DAB1: variants seen among roughly 807,000 people sequenced by gnomAD.
DAB1 encodes the protein disabled homolog 1.
A neutral mutation model predicts 64.6 loss-of-function variants in DAB1; 15 were observed. The ratio of observed to expected loss-of-function variants is 0.23; its 90% CI spans 0.16 to 0.36. The LOEUF is 0.36. Among genes scored for constraint, DAB1 ranks in the 10% least tolerant of loss-of-function variants. The pLI is 1.00. For synonymous variants in DAB1, 235 were observed against 251.9 expected, an observed-to-expected ratio of 0.93 and a Z score of 0.64; for missense variants, 596 against 706.7, an observed-to-expected ratio of 0.84 and a Z score of 1.78.
At chr1:57,306,566 C>T (rs1674200542) in intron 1 of DAB1, among the ~76,000 whole-genome samples, 1 of 137,760 alleles carries the variant, frequency 7.3e-6, no homozygotes, top group Non-Finnish European at 1.5e-5. Flanking sequence ...ATTCACAGCT[C>T]ATCACTCCCA....
chr1:57,517,123 T>C (rs1045094667), intron 7 of DAB1, among the ~76,000 whole-genome samples: 6 of 152,184 alleles, frequency 3.9e-5, no homozygotes, highest in Non-Finnish European at 8.8e-5. Flanking sequence ...AGGTGCCATT[T>C]ACTTATTTGC....
At chr1:57,329,660 CAA>C (rs57801886) in intron 1 of DAB1, among the ~76,000 whole-genome samples, 11,885 of 100,970 alleles carry the variant, frequency 0.12, 537 homozygotes, top group Middle Eastern at 0.17. Context: ...TTGTCTCTTC[CAA>C]AAAAAAAAAA....
chr1:58,463,463 G>A (rs963997173), intron 3 of DAB1, among the ~76,000 whole-genome samples: 2 of 152,210 alleles, frequency 1.3e-5, no homozygotes, highest in African/African-American at 4.8e-5. Flanking sequence ...GGGAGAAGGA[G>A]GCTAAGGCTG....
At chr1:57,852,107 C>G (rs852796) in intron 1 of DAB1, among the ~76,000 whole-genome samples, 62,042 of 151,956 alleles carry the variant, frequency 0.41, 13,205 homozygotes, top group Non-Finnish European at 0.48. Flanking sequence ...TGAGATGGGT[C>G]ACATAAATTA....
At chr1:57,427,996 C>T (rs942440904), upstream of DAB1, among the ~76,000 whole-genome samples, 1 of 151,988 alleles carries the variant, frequency 6.6e-6, no homozygotes, top group South Asian at 2.1e-4. Context: ...GGTGAAACCC[C>T]GTCTCTACTA....
chr1:57,521,568 T>C (rs1238000878), intron 7 of DAB1, among the ~76,000 whole-genome samples: 1 of 152,110 alleles, frequency 6.6e-6, no homozygotes, highest in Non-Finnish European at 1.5e-5. Context: ...ATCACTCTGG[T>C]AGAGGCTTTC....
chr1:58,409,728 T>G (rs1027590799), intron 3 of DAB1, among the ~76,000 whole-genome samples: 1 of 152,168 alleles, frequency 6.6e-6, no homozygotes, highest in African/African-American at 2.4e-5. Context: ...TAAGGTGCCT[T>G]GTAGGCCTTG....
intron 3 of DAB1, among the ~76,000 whole-genome samples, chr1:58,362,251 T>C (rs1021985535): frequency 1.3e-5 from 2 of 152,218 alleles, no homozygotes; most frequent in Non-Finnish European, 2.9e-5. Context: ...AGATGTGGCA[T>C]CTTGGCCTAG....
chr1:57,944,083 T>A (rs1202851), intron 5 of DAB1, among the ~76,000 whole-genome samples: 87,375 of 151,884 alleles, frequency 0.58, 25,747 homozygotes, highest in African/African-American at 0.63. Flanking sequence ...ATTCACTCAG[T>A]TTAAAGCTCA....
At chr1:58,264,613 G>A (rs1393365688) in intron 4 of DAB1, among the ~76,000 whole-genome samples, 1 of 152,178 alleles carries the variant, frequency 6.6e-6, no homozygotes, top group Non-Finnish European at 1.5e-5. Flanking sequence ...TGACTTCCAA[G>A]GACATCAAGC....
intron 5 of DAB1, among the ~76,000 whole-genome samples, chr1:57,915,820 GACGATC>G (rs1474898371): frequency 2.0e-5 from 3 of 152,288 alleles, no homozygotes; most frequent in South Asian, 4.1e-4. Flanking sequence ...GAGAAAGAGG[GACGATC>G]ACAGTATGGA....
At chr1:57,798,612 C>T (rs754950453) in intron 6 of DAB1, among the ~76,000 whole-genome samples, 12 of 152,192 alleles carry the variant, frequency 7.9e-5, no homozygotes, top group South Asian at 2.1e-4. Flanking sequence ...TGCTGGAAAA[C>T]GAGGCAACTA....
At chr1:58,189,274 A>G (rs756788479) in intron 4 of DAB1, among the ~76,000 whole-genome samples, 3 of 152,348 alleles carry the variant, frequency 2.0e-5, no homozygotes, top group African/African-American at 4.8e-5. Flanking sequence ...AGCTGTTCCA[A>G]TGCAAAATAG....
At chr1:58,303,296 C>G (rs1392143225) in intron 4 of DAB1, among the ~76,000 whole-genome samples, 1 of 152,134 alleles carries the variant, frequency 6.6e-6, no homozygotes, top group Non-Finnish European at 1.5e-5. Flanking sequence ...TGTTGCTAAT[C>G]TTTGGGGAAT....
intron 1 of DAB1, among the ~76,000 whole-genome samples, chr1:57,418,959 T>A (rs943707569): frequency 2.6e-5 from 4 of 152,156 alleles, no homozygotes; most frequent in African/African-American, 9.7e-5. Context: ...AATATCCAGG[T>A]GATTAATTTG....
At chr1:58,455,942 C>T (rs1645189361) in intron 3 of DAB1, among the ~76,000 whole-genome samples, 1 of 152,210 alleles carries the variant, frequency 6.6e-6, no homozygotes, top group Non-Finnish European at 1.5e-5. Context: ...AGCAGGGGCT[C>T]CGAGTCAGCC....
chr1:57,265,707 T>C (rs1670536025), intron 2 of DAB1, among the ~76,000 whole-genome samples: 1 of 152,164 alleles, frequency 6.6e-6, no homozygotes, highest in African/African-American at 2.4e-5. Context: ...AAACCAGCAC[T>C]CGTGGACGGC....
chr1:58,355,526 C>T (rs1336307524), intron 3 of DAB1, among the ~76,000 whole-genome samples: 6 of 152,112 alleles, frequency 3.9e-5, no homozygotes, highest in African/African-American at 1.4e-4. Flanking sequence ...TTTCTTGTCA[C>T]TTTCACGAAT....
chr1:58,283,081 C>T (rs11207189), intron 4 of DAB1, among the ~76,000 whole-genome samples: 92,178 of 150,974 alleles, frequency 0.61, 30,997 homozygotes, highest in East Asian at 0.85. Flanking sequence ...AACTTTCCTT[C>T]AAACATTCAG....
Sources: allele counts gnomAD v4.1 joint callset (sites outside exome capture counted in the v4.1 genomes callset), GRCh38; gene constraint gnomAD v4.1.1; transcripts MANE v1.5; gene names NCBI Gene and HGNC (gene_info 2026-07-23, HGNC 2026-07-21).